The following SUSD5 variants were observed in gnomAD, a reference collection of about 807,000 sequenced individuals.
The protein encoded by SUSD5 is sushi domain containing 5.
A neutral mutation model predicts 29.5 loss-of-function variants in SUSD5; 33 were observed. That is an observed-to-expected ratio of 1.12 (90% CI 0.85 to 1.49). SUSD5 has a LOEUF of 1.49. SUSD5 is among the 40% of genes most tolerant of loss of function. SUSD5 has a pLI of 0.00. For missense variants in SUSD5, 776 were observed against 800.6 expected, an observed-to-expected ratio of 0.97 and a Z score of 0.37; for synonymous variants, 308 against 325.3, an observed-to-expected ratio of 0.95 and a Z score of 0.57.
chr3:33,162,391 GA>G (rs2031208645), intron 4 of SUSD5, among the ~76,000 whole-genome samples: 1 of 152,078 alleles, frequency 6.6e-6, no homozygotes, highest in South Asian at 2.1e-4. Flanking sequence ...GCTGGGTAAA[GA>G]AAATTAAGTT....
intron 4 of SUSD5, among the ~76,000 whole-genome samples, chr3:33,156,007 G>A (rs2031042041): frequency 6.6e-6 from 1 of 151,618 alleles, no homozygotes; most frequent in South Asian, 2.1e-4. Context: ...GTTGCCTTAT[G>A]ATTCGTATGT....
At chr3:33,208,016 GC>G in intron 2 of SUSD5, 90 bp from the exon 3 acceptor site, 1 of 944,808 alleles carries the variant, frequency 1.1e-6, no homozygotes, top group Non-Finnish European at 1.6e-6. Context: ...CTCCGAATCA[GC>G]AGAGATTTTT....
chr3:33,196,823 G>A (rs1191900739), intron 3 of SUSD5, among the ~76,000 whole-genome samples: 2 of 152,010 alleles, frequency 1.3e-5, no homozygotes, highest in East Asian at 1.9e-4. Flanking sequence ...CAACCCAAAC[G>A]GCAGTGCCTG....
intron 2 of SUSD5, 35 bp from the exon 3 acceptor site, chr3:33,207,961 AC>A: frequency 6.6e-7 from 1 of 1,515,258 alleles, no homozygotes; most frequent in Non-Finnish European, 9.1e-7. Context: ...AATGAGGAAA[AC>A]TCTGGGTTGA....
rs1445810854 is a variant in SUSD5 at position 33,153,083 on chromosome 3, T to C, written c.1549A>G (p.Thr517Ala). ...GTGGTTTCTACTGGAGGCTGGGTGGTTGCCATGATCGTTGAGGGGATGTGG... is the reference window on the plus strand; with the variant it reads ...GTGGTTTCTACTGGAGGCTGGGTGGCTGCCATGATCGTTGAGGGGATGTGG... ...PNHIPSTIMATTQPPVETTVP... is the reference protein window; with the variant it reads ...PNHIPSTIMAATQPPVETTVP... The change falls in exon 5 of 5, where the codon ACC becomes GCC. Residue 517 changes from threonine (T) to alanine (A), a missense_variant. Thr to Ala is a moderately conservative substitution (Grantham distance 58). Coordinates refer to ENST00000309558, the MANE Select transcript of SUSD5 (RefSeq NM_015551.2). The C allele has an allele frequency of 3.7e-6, 6 of 1,613,712 alleles. No individual in the cohort carries two copies. In the African/African-American group the frequency reaches 4.0e-5, roughly 11 times the overall value.
At chr3:33,195,060 T>G (rs1280081216) in intron 3 of SUSD5, among the ~76,000 whole-genome samples, 1 of 152,056 alleles carries the variant, frequency 6.6e-6, no homozygotes. Flanking sequence ...CTGGGCCTGG[T>G]GGTGCACACC....
chr3:33,214,732 A>G (rs1027687039), intron 1 of SUSD5, among the ~76,000 whole-genome samples: 17 of 152,066 alleles, frequency 1.1e-4, no homozygotes, highest in Non-Finnish European at 2.4e-4. Context: ...TAATGGGGGG[A>G]TGGGAACCTG....
intron 4 of SUSD5, among the ~76,000 whole-genome samples, chr3:33,162,645 T>C (rs1350182714): frequency 6.6e-6 from 1 of 152,184 alleles, no homozygotes; most frequent in Non-Finnish European, 1.5e-5. Context: ...CAGGACTTCA[T>C]GATAAAAATT....
intron 3 of SUSD5, among the ~76,000 whole-genome samples, chr3:33,177,469 T>G (rs1049298222): frequency 2.6e-5 from 4 of 152,228 alleles, no homozygotes; most frequent in Non-Finnish European, 4.4e-5. Context: ...AATTTCATTT[T>G]TCCTTGGGGT....
chr3:33,177,686 T>C (rs960680581), intron 3 of SUSD5, among the ~76,000 whole-genome samples: 1 of 152,334 alleles, frequency 6.6e-6, no homozygotes, highest in African/African-American at 2.4e-5. Flanking sequence ...TAATGTGTTT[T>C]TAATTTAAAA....
Position 33,174,992 on chromosome 3 carries a change from C to G in SUSD5, c.492G>C (p.Leu164=). 1 of 1,614,050 alleles carries G rather than the reference C, an allele frequency of 6.2e-7. No individual in the cohort carries two copies. Among genetic ancestry groups the G allele is most frequent in the Non-Finnish European group, 8.5e-7 (1 of 1,179,900 alleles). ...TGATGTGGCCTGGGGCACACACGTA[C>G]AGCAGTTCATCCCCCATTTCCAAGC... is the stretch of plus-strand genomic sequence containing the variant. ...RTGLEMGDEL[L]YVCAPGHIMG... is the part of the protein sequence containing the mutation. Residue 164 remains leucine (L), a synonymous_variant, in exon 4 of 5, where the codon CTG becomes CTC. Transcript: ENST00000309558.
intron 3 of SUSD5, among the ~76,000 whole-genome samples, chr3:33,176,391 A>G (rs1371718121): frequency 1.3e-5 from 2 of 152,182 alleles, no homozygotes; most frequent in Admixed American, 6.5e-5. Flanking sequence ...TTGTATGGGA[A>G]GAGTATGTTT....
chr3:33,191,423 C>G (rs917563405), intron 3 of SUSD5, among the ~76,000 whole-genome samples: 18 of 152,106 alleles, frequency 1.2e-4, no homozygotes, highest in Non-Finnish European at 1.9e-4. Flanking sequence ...AGCCACTGCA[C>G]CCGGCCTAGT....
rs1357319493 is a variant in SUSD5 at position 33,177,085 on chromosome 3, T to G, written c.410-2011A>C. Among the ~76,000 whole-genome samples, 3 of 152,160 alleles carry G rather than the reference T, an allele frequency of 2.0e-5. No homozygotes were observed. In the East Asian group the frequency reaches 5.8e-4, roughly 29 times the overall value. On this transcript the variant is annotated intron_variant, in intron 3 of 4. Coordinates refer to ENST00000309558, the MANE Select transcript of SUSD5 (RefSeq NM_015551.2). ...AGTTGGTTACTCTGGGTCTATTACC[T>G]CTCCATATAAACTACAGACTTTGTT...
chr3:33,213,528 C>T (rs895796842), intron 2 of SUSD5, among the ~76,000 whole-genome samples: 2 of 152,204 alleles, frequency 1.3e-5, no homozygotes, highest in Non-Finnish European at 2.9e-5. Context: ...GTGGCTTACA[C>T]TCTGGGAGGC....
At chr3:33,198,492 C>A (rs931402795) in intron 3 of SUSD5, among the ~76,000 whole-genome samples, 1 of 152,198 alleles carries the variant, frequency 6.6e-6, no homozygotes, top group African/African-American at 2.4e-5. Context: ...AAGTTTGGGG[C>A]TTCCTGATCT....
rs572177251 is a variant in SUSD5 at position 33,171,272 on chromosome 3, G to A, written c.598+3614C>T. 1.1e-3 allele frequency among the ~76,000 whole-genome samples: 166 copies of A among 152,126 alleles called. 1 individual carries two copies. Among genetic ancestry groups the A allele is most frequent in the East Asian group, 4.7e-3 (24 of 5,160 alleles). On this transcript the variant is annotated intron_variant, in intron 4 of 4. Transcript: ENST00000309558. ...TGAGGCAGGAGAACTGCTTGAACCCGGGAGGCAGAGGTTGCGGTGAGCCGA... is the reference window on the plus strand; with the variant it reads ...TGAGGCAGGAGAACTGCTTGAACCCAGGAGGCAGAGGTTGCGGTGAGCCGA...
At chr3:33,169,385 TAA>T (rs1459395850) in intron 4 of SUSD5, among the ~76,000 whole-genome samples, 2 of 152,004 alleles carry the variant, frequency 1.3e-5, no homozygotes, top group Admixed American at 1.3e-4. Flanking sequence ...CACGCCCGGC[TAA>T]GTTTTGTATA....
intron 3 of SUSD5, among the ~76,000 whole-genome samples, chr3:33,186,851 T>TCA (rs1447928634): frequency 3.0e-4 from 46 of 152,198 alleles, no homozygotes; most frequent in Admixed American, 6.5e-4. Flanking sequence ...AAAACTACCT[T>TCA]GACTCTCTGA....
Sources: allele counts gnomAD v4.1 joint callset (sites outside exome capture counted in the v4.1 genomes callset), GRCh38; gene constraint gnomAD v4.1.1; transcripts MANE v1.5; gene names NCBI Gene and HGNC (gene_info 2026-07-23, HGNC 2026-07-21).